GIPR: variants seen among roughly 807,000 people sequenced by gnomAD.
The protein encoded by GIPR is gastric inhibitory polypeptide receptor.
In GIPR, 74 loss-of-function variants were observed where a neutral mutation model predicts 62.2. That is an observed-to-expected ratio of 1.19 (90% CI 0.99 to 1.44). The LOEUF (loss-of-function observed/expected upper bound fraction) is 1.44, where lower values mean the gene tolerates loss of function less well. Ranked by LOEUF, GIPR falls within the 40% of genes most tolerant of loss-of-function variation. The pLI, the probability that GIPR is intolerant of heterozygous loss-of-function variation, is 0.00. For synonymous variants in GIPR, 256 were observed against 262.2 expected (o/e 0.98, Z 0.23); for missense variants, 664 against 611.8 (o/e 1.09, Z -0.90).
In GIPR at chr19:45,674,746, G is replaced by T. The variant is rs1234558737; in HGVS notation, c.553G>T (p.Ala185Ser). 3.1e-6 allele frequency: 5 copies of T among 1,613,916 alleles called. No homozygotes were observed. The highest frequency in any genetic ancestry group is 1.1e-5 in the South Asian group (1 of 91,076). The stretch of plus-strand genomic sequence containing the variant: ...GTTCACGTCTTTCATGCTGCGAGCT[G>T]CGGCCATTCTCAGCCGAGACCGTCT... ...NLFTSFMLRA[A>S]AILSRDRLLP... Residue 185 changes from alanine (A) to serine (S), a missense_variant, in exon 7 of 14, where the codon GCG becomes TCG. Physicochemically the swap from Ala to Ser is moderately conservative, Grantham distance 99. Coordinates refer to ENST00000590918, the MANE Select transcript of GIPR (RefSeq NM_000164.4).
chr19:45,674,235 C>T (rs1463402860), intron 6 of GIPR, 58 bp downstream of exon 6: 5 of 1,084,630 alleles, frequency 4.6e-6, no homozygotes, highest in Admixed American at 3.4e-5. Flanking sequence ...TCAGTTTGTC[C>T]AGTAAGATGG....
At chr19:45,672,708 T>C (rs535973102) in intron 4 of GIPR, 143 bp from the exon 5 acceptor site, 4 of 690,894 alleles carry the variant, frequency 5.8e-6, no homozygotes, top group African/African-American at 5.5e-5. Context: ...TAACATGCCA[T>C]ATAAGGGTTT....
chr19:45,675,229 G>A (rs1975775041), intron 7 of GIPR, among the ~76,000 whole-genome samples: 1 of 152,082 alleles, frequency 6.6e-6, no homozygotes, highest in South Asian at 2.1e-4. Context: ...TAGAGTCTGG[G>A]AGCAGACGTG....
rs371746298 is a variant in GIPR at position 45,681,914 on chromosome 19, G to A, written c.1380G>A (p.Arg460=). The A allele has an allele frequency of 5.1e-6, 8 of 1,560,410 alleles. No homozygotes were observed. In the African/African-American group the frequency reaches 9.4e-5, roughly 18 times the overall value. ...CAGGGCCTGGGAATGAGGCCAGCCG[G>A]GAGTTGGAAAGTTACTGCTAGGGGG... ...TLPGPGNEAS[R]ELESYC The change falls in exon 14 of 14, where the codon CGG becomes CGA. Residue 460 remains arginine (R), a synonymous_variant. Transcript: ENST00000590918.
intron 7 of GIPR, 164 bp downstream of exon 7, chr19:45,674,990 A>T: frequency 7.7e-6 from 5 of 647,000 alleles, no homozygotes; most frequent in East Asian, 5.8e-5. Flanking sequence ...ACACATTTGG[A>T]GAGGGAACCT....
At chr19:45,673,769 T>G (rs899487964) in intron 5 of GIPR, among the ~76,000 whole-genome samples, 11 of 151,146 alleles carry the variant, frequency 7.3e-5, no homozygotes, top group African/African-American at 2.7e-4. Flanking sequence ...GAGGCTGGGG[T>G]GGGAGGATCG....
chr19:45,674,995 G>T, intron 7 of GIPR, 169 bp downstream of exon 7: 3 of 620,636 alleles, frequency 4.8e-6, no homozygotes, highest in African/African-American at 1.9e-5. Flanking sequence ...TTTGGAGAGG[G>T]AACCTCCCAA....
chr19:45,679,122 A>G (rs1967101686), intron 12 of GIPR, among the ~76,000 whole-genome samples: 1 of 152,162 alleles, frequency 6.6e-6, no homozygotes, highest in Non-Finnish European at 1.5e-5. Flanking sequence ...TATCACAGGA[A>G]TACAGCCAAG....
chr19:45,674,178 G>A lies in GIPR; in HGVS notation c.488+1G>A, dbSNP rs1238462564. ...CCCTGCTCATCTTGAGTTTGTTCAG[G>A]TGGGACCTTAACCCTGAGTGGTGGC... is the stretch of plus-strand genomic sequence containing the variant. On this transcript the variant is annotated splice_donor_variant, in intron 6 of 13. Transcript: ENST00000590918. LOFTEE classifies it high-confidence loss of function. The A allele has an allele frequency of 6.2e-7, 1 of 1,600,964 alleles. No homozygotes were observed. The highest frequency in any genetic ancestry group is 8.6e-7 in the Non-Finnish European group (1 of 1,168,034).
intron 4 of GIPR, among the ~76,000 whole-genome samples, 181 bp downstream of exon 4, chr19:45,671,573 A>G (rs1975542108): frequency 6.6e-6 from 1 of 152,010 alleles, no homozygotes; most frequent in Non-Finnish European, 1.5e-5. Context: ...TATCTCACAT[A>G]ACGCAGCTTC....
rs1975435291 is a variant in GIPR at position 45,669,672 on chromosome 19, G to C, written c.72+80G>C. 3.3e-6 allele frequency: 5 copies of C among 1,517,726 alleles called. No individual in the cohort carries two copies. In the South Asian group the frequency reaches 6.1e-5, roughly 18 times the overall value. The allele number at this position is 1,517,726 out of a possible 1,614,324, so 94.0% of individuals were successfully genotyped here. ...GTTTTAGGGCTTCCGTCGTCAGGGC[G>C]CTGTCGCTCACGCCTGTAATCCCAG... is the stretch of plus-strand genomic sequence containing the variant. On this transcript the variant is annotated intron_variant, in intron 2 of 13. Coordinates refer to ENST00000590918, the MANE Select transcript of GIPR (RefSeq NM_000164.4).
At chr19:45,674,625 T>A in intron 6 of GIPR, 57 bp from the exon 7 acceptor site, 1 of 1,544,182 alleles carries the variant, frequency 6.5e-7, no homozygotes, top group Non-Finnish European at 8.9e-7. Context: ...AATAGAACTC[T>A]GTGTGGCTGA....
chr19:45,674,336 G>T, intron 6 of GIPR, 159 bp downstream of exon 6: 1 of 698,160 alleles, frequency 1.4e-6, no homozygotes, highest in Non-Finnish European at 2.6e-6. Context: ...GGCCGGGAGC[G>T]GTGGCTGATG....
intron 5 of GIPR, among the ~76,000 whole-genome samples, chr19:45,673,195 G>T (rs1473070395): frequency 6.6e-6 from 1 of 152,106 alleles, no homozygotes; most frequent in Non-Finnish European, 1.5e-5. Context: ...CAAGGAGGGT[G>T]GATCACTTGA....
In GIPR at chr19:45,674,805, G is replaced by T. The variant is rs781601202; in HGVS notation, c.612G>T (p.Gln204His). ...LPRPGPYLGD[Q>H]ALALWNQALA... ...GACCTGGCCCCTACCTTGGGGACCAGGCCCTTGCGCTGTGGAACCAGGTGG... is the reference window on the plus strand; with the variant it reads ...GACCTGGCCCCTACCTTGGGGACCATGCCCTTGCGCTGTGGAACCAGGTGG... The change falls in exon 7 of 14, where the codon CAG (glutamine) becomes CAT (histidine). Residue 204 changes from glutamine to histidine, a missense_variant. Physicochemically the swap from Gln to His is conservative, Grantham distance 24. Transcript: ENST00000590918. The T allele has an allele frequency of 6.2e-7, 1 of 1,613,896 alleles. No homozygotes were observed. Among genetic ancestry groups the T allele is most frequent in the South Asian group, 1.1e-5 (1 of 91,084 alleles).
intron 1 of GIPR, among the ~76,000 whole-genome samples, chr19:45,669,197 AC>A (rs71338790): frequency 8.1e-4 from 121 of 148,650 alleles, no homozygotes; most frequent in Non-Finnish European, 1.4e-3. Flanking sequence ...CTCAGCAAAC[AC>A]CCCCCCCTTC....
chr19:45,675,903 G>A (rs1012806575), intron 7 of GIPR, among the ~76,000 whole-genome samples: 5 of 146,554 alleles, frequency 3.4e-5, no homozygotes, highest in Non-Finnish European at 6.0e-5. Context: ...AAAATAAAAT[G>A]AAATAAAATA....
At chr19:45,671,657 T>C (rs1270632529) in intron 4 of GIPR, among the ~76,000 whole-genome samples, 4 of 152,168 alleles carry the variant, frequency 2.6e-5, no homozygotes, top group African/African-American at 9.7e-5. Flanking sequence ...TGGAGTGCAG[T>C]GGGATGAACT....
intron 7 of GIPR, 23 bp from the exon 8 acceptor site, chr19:45,676,926 C>T (rs11672660): frequency 0.19 from 307,096 of 1,610,690 alleles, 30,607 homozygotes; most frequent in East Asian, 0.21. Context: ...GACTACCCCT[C>T]TACCGGTCTG....
Sources: allele counts gnomAD v4.1 joint callset (sites outside exome capture counted in the v4.1 genomes callset), GRCh38; gene constraint gnomAD v4.1.1; transcripts MANE v1.5; gene names NCBI Gene and HGNC (gene_info 2026-07-23, HGNC 2026-07-21).